The following L3MBTL3 variants were observed in gnomAD, a reference collection of about 807,000 sequenced individuals.
L3MBTL3 encodes L3MBTL histone methyl-lysine binding protein 3.
Under a neutral mutation model 102.3 loss-of-function variants are expected in L3MBTL3, and 27 were observed. The ratio of observed to expected loss-of-function variants is 0.26; its 90% CI spans 0.19 to 0.36. The LOEUF (loss-of-function observed/expected upper bound fraction) is 0.36. Ranked by LOEUF, L3MBTL3 falls within the 10% of genes least tolerant of loss-of-function variation. The pLI is 1.00. For synonymous variants in L3MBTL3, 340 were observed against 320.9 expected (o/e 1.06, Z -0.64); for missense variants, 798 against 955.3 (o/e 0.84, Z 2.17).
chr6:130,116,666 G>A (rs1025501985), intron 19 of L3MBTL3, among the ~76,000 whole-genome samples: 5 of 151,986 alleles, frequency 3.3e-5, no homozygotes, highest in African/African-American at 1.2e-4. Flanking sequence ...GGCTGGAGAA[G>A]CACTTGAGCA....
At chr6:130,078,489 CT>C (rs1562291844) in intron 13 of L3MBTL3, 68 bp from the exon 14 acceptor site, 1 of 1,045,638 alleles carries the variant, frequency 9.6e-7, no homozygotes, top group Non-Finnish European at 1.5e-6. Context: ...CTCTAGTTTT[CT>C]TTTTATTTTA....
intron 10 of L3MBTL3, among the ~76,000 whole-genome samples, chr6:130,063,437 G>T (rs1782040893): frequency 6.6e-6 from 1 of 152,120 alleles, no homozygotes; most frequent in African/African-American, 2.4e-5. Flanking sequence ...CATTCAGGTG[G>T]AGTTGATTTT....
intron 13 of L3MBTL3, among the ~76,000 whole-genome samples, chr6:130,072,262 C>T (rs1584373995): frequency 1.3e-5 from 2 of 151,996 alleles, no homozygotes; most frequent in African/African-American, 4.8e-5. Flanking sequence ...ATAGCATTTA[C>T]ATTGTATTAG....
Position 130,133,681 on chromosome 6 carries a change from TG to T in L3MBTL3, c.2136+62del. On this transcript the variant is annotated intron_variant, in intron 21 of 22. Coordinates refer to ENST00000361794, the MANE Select transcript of L3MBTL3 (RefSeq NM_032438.4). This position sits in a 1 kb window ranked among gnomAD's most constrained non-coding sequence, Gnocchi z 4.9. ...TACAGGATTACTGGCTTAAGAGGTG[TG>T]GAACATTGAGCGTAGGTAGCGTTTA... is the stretch of plus-strand genomic sequence containing the variant. The T allele has an allele frequency of 6.3e-7, 1 of 1,589,950 alleles. No homozygotes were observed. Among genetic ancestry groups the T allele is most frequent in the Non-Finnish European group, 8.6e-7 (1 of 1,164,346 alleles).
rs1251104108 is a variant in L3MBTL3 at position 130,140,377 on chromosome 6, C to T, written c.*624C>T. 2 of 152,456 alleles carry T rather than the reference C, an allele frequency of 1.3e-5. No individual in the cohort carries two copies. Among genetic ancestry groups the T allele is most frequent in the South Asian group, 2.1e-4 (1 of 4,828 alleles). The allele number at this position is 152,456 out of a possible 1,614,324, so 9.4% of individuals were successfully genotyped here. The stretch of plus-strand genomic sequence containing the variant: ...TTGAATCAGTATTTTTCCTTTTGCA[C>T]GCATTATGAAATGTTAAACAAATTA... On this transcript the variant is annotated 3_prime_UTR_variant, in exon 23 of 23. Transcript: ENST00000361794.
At chr6:130,069,525 T>A (rs1023129137) in intron 12 of L3MBTL3, among the ~76,000 whole-genome samples, 12 of 152,222 alleles carry the variant, frequency 7.9e-5, no homozygotes, top group Non-Finnish European at 1.5e-4. Context: ...ATAGTGTTAA[T>A]GGGCCAGCTT....
At chr6:130,127,601 AC>A (rs1226423470) in intron 20 of L3MBTL3, among the ~76,000 whole-genome samples, 1 of 151,812 alleles carries the variant, frequency 6.6e-6, no homozygotes, top group African/African-American at 2.4e-5. Flanking sequence ...CATTTAAAAA[AC>A]ATCCTTGTTT....
At chr6:130,037,586 G>A (rs920163600) in intron 2 of L3MBTL3, among the ~76,000 whole-genome samples, 1 of 151,938 alleles carries the variant, frequency 6.6e-6, no homozygotes, top group Non-Finnish European at 1.5e-5. Flanking sequence ...TACATCCTGG[G>A]TCCTGTTTTG....
intron 16 of L3MBTL3, among the ~76,000 whole-genome samples, chr6:130,090,300 AGTT>A (rs1456567740): frequency 1.3e-5 from 2 of 152,136 alleles, no homozygotes; most frequent in Non-Finnish European, 2.9e-5. Context: ...GGTAACTTCT[AGTT>A]GTTTTCTAAT....
At chr6:130,020,590 A>C (rs1160811854) in intron 1 of L3MBTL3, 1 of 151,600 alleles carries the variant, frequency 6.6e-6, no homozygotes, top group African/African-American at 2.4e-5. Context: ...CGTCGCGCTC[A>C]GAGGGAGGTG....
intron 3 of L3MBTL3, among the ~76,000 whole-genome samples, chr6:130,047,178 T>C (rs1276560069): frequency 4.6e-5 from 7 of 152,138 alleles, no homozygotes; most frequent in Admixed American, 2.6e-4. Flanking sequence ...TATGCACATA[T>C]CATAATTTTG....
intron 12 of L3MBTL3, 73 bp from the exon 13 acceptor site, chr6:130,070,903 G>A: frequency 8.3e-7 from 1 of 1,200,024 alleles, no homozygotes; most frequent in Admixed American, 2.0e-5. Flanking sequence ...TGAGCAGGAG[G>A]TGCAGAGAGT....
chr6:130,027,946 T>A (rs1392909527), intron 2 of L3MBTL3, among the ~76,000 whole-genome samples: 1 of 152,136 alleles, frequency 6.6e-6, no homozygotes, highest in East Asian at 1.9e-4. Context: ...TTAAAAAATA[T>A]GTCTGACTCA....
chr6:130,135,021 A>G (rs76192192), intron 22 of L3MBTL3, among the ~76,000 whole-genome samples: 1 of 113,812 alleles, frequency 8.8e-6, no homozygotes, highest in Admixed American at 9.4e-5. Flanking sequence ...TTCTTTCCCT[A>G]AGTCCTGAGT....
intron 10 of L3MBTL3, among the ~76,000 whole-genome samples, chr6:130,061,030 T>G (rs951227975): frequency 6.6e-6 from 1 of 151,674 alleles, no homozygotes; most frequent in African/African-American, 2.4e-5. Flanking sequence ...TACGGTTACA[T>G]AGGGCATACT....
intron 18 of L3MBTL3, among the ~76,000 whole-genome samples, chr6:130,097,451 G>A (rs958685286): frequency 8.5e-5 from 13 of 152,120 alleles, no homozygotes; most frequent in South Asian, 2.1e-4. Flanking sequence ...TTTGACTAGC[G>A]TTTGTTGTTA....
At chr6:130,041,115 G>T (rs1562258579) in intron 2 of L3MBTL3, among the ~76,000 whole-genome samples, 1 of 152,214 alleles carries the variant, frequency 6.6e-6, no homozygotes, top group Non-Finnish European at 1.5e-5. Flanking sequence ...GACCCTTGAG[G>T]AATGCATGCT....
chr6:130,131,291 T>TA (rs1787000047), intron 20 of L3MBTL3, among the ~76,000 whole-genome samples: 1 of 152,216 alleles, frequency 6.6e-6, no homozygotes, highest in Non-Finnish European at 1.5e-5. Context: ...CATAATGTGA[T>TA]ACCACTATAC....
At chr6:130,034,648 T>G (rs751895976) in intron 2 of L3MBTL3, among the ~76,000 whole-genome samples, 5 of 152,254 alleles carry the variant, frequency 3.3e-5, no homozygotes, top group African/African-American at 9.6e-5. Flanking sequence ...CAGTTAATTT[T>G]GTTTCATTTC....
Sources: gnomAD v4.1 joint callset for allele counts (sites outside exome capture counted in the v4.1 genomes callset) on GRCh38, gnomAD v4.1.1 for gene constraint, Gnocchi (gnomAD v3.1) non-coding constraint, MANE v1.5 for transcripts, NCBI Gene and HGNC (gene_info 2026-07-23, HGNC 2026-07-21) for gene names.